The following KIAA1217 variants were observed in gnomAD, a reference collection of about 807,000 sequenced individuals.
KIAA1217 encodes KIAA1217.
In KIAA1217, 88 loss-of-function variants were observed where a neutral mutation model predicts 163.9. The ratio of observed to expected loss-of-function variants is 0.54; its 90% CI spans 0.45 to 0.64. The LOEUF (loss-of-function observed/expected upper bound fraction) is 0.64, where lower values mean the gene tolerates loss of function less well. Ranked by LOEUF, KIAA1217 falls within the 30% of genes least tolerant of loss-of-function variation. KIAA1217 has a pLI of 0.00. For missense variants in KIAA1217, 2,372 were observed against 2,475.0 expected (o/e 0.96, Z 0.88); for synonymous variants, 903 against 923.1 (o/e 0.98, Z 0.39).
At chr10:23,765,152 G>GAA (rs1470270825) in intron 1 of KIAA1217, among the ~76,000 whole-genome samples, 1 of 142,556 alleles carries the variant, frequency 7.0e-6, no homozygotes, top group Non-Finnish European at 1.5e-5. Flanking sequence ...CTGTTGGTTA[G>GAA]AAAATTTTTT....
At chr10:24,220,545 C>T (rs1292151617) in intron 2 of KIAA1217, among the ~76,000 whole-genome samples, 2 of 147,860 alleles carry the variant, frequency 1.4e-5, no homozygotes, top group African/African-American at 5.1e-5. Flanking sequence ...AGCTCTGCCT[C>T]CCGGGTTCAC....
intron 1 of KIAA1217, among the ~76,000 whole-genome samples, chr10:23,992,937 G>A (rs374683020): frequency 6.6e-6 from 1 of 151,394 alleles, no homozygotes; most frequent in Non-Finnish European, 1.5e-5. Flanking sequence ...TGATACCACC[G>A]CCAGTTTTAC....
At position 24,176,690 on chromosome 10, in the gene KIAA1217, C is replaced by T. The variant is rs376487765; in HGVS notation, c.-170-42936C>T. Among the ~76,000 whole-genome samples, 44 of 152,358 alleles carry T rather than the reference C, an allele frequency of 2.9e-4. No homozygotes were observed. The East Asian group carries it at 3.3e-3, about 11-fold the overall frequency. On this transcript the variant is annotated intron_variant, in intron 2 of 18. Transcript: ENST00000376462. The stretch of plus-strand genomic sequence containing the variant: ...CCTAGTGGGTCCTACACCAGAGCCG[C>T]GGGCAGAGCTGCCTGCCAGTACTGT...
At chr10:24,511,128 G>A (rs1432133354) in intron 9 of KIAA1217, among the ~76,000 whole-genome samples, 1 of 129,250 alleles carries the variant, frequency 7.7e-6, no homozygotes, top group Non-Finnish European at 1.6e-5. Flanking sequence ...ACTCCACCCT[G>A]GGCAACAGAG....
chr10:23,834,407 AT>A (rs1838353778), intron 1 of KIAA1217, among the ~76,000 whole-genome samples: 1 of 152,180 alleles, frequency 6.6e-6, no homozygotes, highest in Admixed American at 6.6e-5. Context: ...TATAATATTT[AT>A]TGAGTTACCA....
chr10:24,418,113 A>T (rs1305800525), intron 3 of KIAA1217, among the ~76,000 whole-genome samples: 2 of 151,974 alleles, frequency 1.3e-5, no homozygotes. Flanking sequence ...CCAATAAAAA[A>T]AAAATGCTGC....
intron 2 of KIAA1217, among the ~76,000 whole-genome samples, chr10:24,253,341 G>C (rs1467216771): frequency 6.6e-6 from 1 of 152,140 alleles, no homozygotes; most frequent in Non-Finnish European, 1.5e-5. Flanking sequence ...TATCTCTGTG[G>C]CTGTCTCAGA....
At chr10:23,732,190 GCATTCACCAGTGATC>G (rs1035636385) in intron 1 of KIAA1217, among the ~76,000 whole-genome samples, 3 of 151,960 alleles carry the variant, frequency 2.0e-5, no homozygotes, top group Middle Eastern at 3.2e-3. Context: ...ATGTTTGATA[GCATTCACCAGTGATC>G]CATTTAGGCC....
intron 2 of KIAA1217, among the ~76,000 whole-genome samples, chr10:24,336,956 G>A (rs1032509864): frequency 2.0e-5 from 3 of 152,114 alleles, no homozygotes; most frequent in Non-Finnish European, 2.9e-5. Flanking sequence ...ACTATAAAAT[G>A]CTTGGAAGAA....
At chr10:24,317,093 C>T (rs1023356065) in intron 2 of KIAA1217, among the ~76,000 whole-genome samples, 3 of 151,996 alleles carry the variant, frequency 2.0e-5, no homozygotes, top group African/African-American at 7.2e-5. Flanking sequence ...AATTCTTATA[C>T]CAAAAATACT....
chr10:23,781,780 C>A (rs954005730), intron 1 of KIAA1217, among the ~76,000 whole-genome samples: 1 of 152,056 alleles, frequency 6.6e-6, no homozygotes, highest in East Asian at 1.9e-4. Flanking sequence ...GTCATTCTTT[C>A]GTATATAGAT....
chr10:23,798,531 G>T (rs1025443570), intron 1 of KIAA1217, among the ~76,000 whole-genome samples: 1 of 152,170 alleles, frequency 6.6e-6, no homozygotes, highest in Non-Finnish European at 1.5e-5. Context: ...TAAAGATGTA[G>T]ACTACCTCTT....
intron 1 of KIAA1217, among the ~76,000 whole-genome samples, chr10:23,818,354 ATAT>A (rs1564448753): frequency 1.5e-5 from 2 of 137,514 alleles, no homozygotes; most frequent in Admixed American, 7.3e-5. Flanking sequence ...ATAAAAAAAT[ATAT>A]ATATATATAT....
rs1191291105 is a variant in KIAA1217 at position 24,524,408 on chromosome 10, G to A, written c.2542G>A (p.Val848Ile). 3 of 1,614,214 alleles carry A rather than the reference G, an allele frequency of 1.9e-6. No homozygotes were observed. In the Admixed American group the frequency reaches 5.0e-5, roughly 27 times the overall value. The stretch of plus-strand genomic sequence containing the variant: ...TATGGAAAAGGCCACAGCCGCAGAA[G>A]TCCTGAAGAGTCAGGAGGAGGCAGC... ...MAMEKATAAEVLKSQEEAAHT... is the reference protein window; with the variant it reads ...MAMEKATAAEILKSQEEAAHT... The change falls in exon 13 of 21, where the codon GTC becomes ATC. Residue 848 changes from valine (V) to isoleucine (I), a missense_variant. By Grantham distance (29) the Val-to-Ile change is conservative. Coordinates refer to ENST00000376454, the MANE Select transcript of KIAA1217 (RefSeq NM_019590.5).
At chr10:24,295,613 A>G (rs2040500206) in intron 2 of KIAA1217, among the ~76,000 whole-genome samples, 1 of 152,008 alleles carries the variant, frequency 6.6e-6, no homozygotes, top group African/African-American at 2.4e-5. Context: ...TCTCAGGCCA[A>G]TTTCTCAGGC....
At chr10:24,105,049 C>A (rs531486884) in intron 2 of KIAA1217, among the ~76,000 whole-genome samples, 1 of 150,616 alleles carries the variant, frequency 6.6e-6, no homozygotes, top group Admixed American at 6.6e-5. Flanking sequence ...GATGAAACTT[C>A]CCACTGCAAG....
chr10:24,364,232 G>C (rs2050437948), intron 2 of KIAA1217, among the ~76,000 whole-genome samples: 1 of 152,078 alleles, frequency 6.6e-6, no homozygotes, highest in Non-Finnish European at 1.5e-5. Context: ...ACCCGCCTCA[G>C]CCTCCCAAAG....
intron 6 of KIAA1217, among the ~76,000 whole-genome samples, chr10:24,490,321 T>C (rs927298796): frequency 6.6e-6 from 1 of 152,234 alleles, no homozygotes; most frequent in Non-Finnish European, 1.5e-5. Context: ...TAAATGTCTT[T>C]AATATTCTGA....
chr10:24,102,242 A>G (rs2062446650), intron 2 of KIAA1217, among the ~76,000 whole-genome samples: 1 of 152,196 alleles, frequency 6.6e-6, no homozygotes, highest in Non-Finnish European at 1.5e-5. Flanking sequence ...TTTCCTATAT[A>G]CCAGCAATAA....
Sources: allele counts gnomAD v4.1 joint callset (sites outside exome capture counted in the v4.1 genomes callset), GRCh38; gene constraint gnomAD v4.1.1; transcripts MANE v1.5; gene names NCBI Gene and HGNC (gene_info 2026-07-23, HGNC 2026-07-21).